Variants in CDH9 observed in about 807,000 individuals in gnomAD.
CDH9 encodes the protein cadherin 9.
CDH9 carries 28 observed loss-of-function variants against 70.9 expected under a neutral mutation model. That is an observed-to-expected ratio of 0.40 (90% CI 0.29 to 0.54). The LOEUF is 0.54. Ranked by LOEUF, CDH9 falls within the 20% of genes least tolerant of loss-of-function variation. CDH9 has a pLI of 0.59. For missense variants in CDH9, 874 were observed against 984.4 expected, an observed-to-expected ratio of 0.89 and a Z score of 1.50; for synonymous variants, 409 against 343.1, an observed-to-expected ratio of 1.19 and a Z score of -2.12.
In CDH9 at chr5:26,939,478, T is replaced by C. The variant is rs371052892; in HGVS notation, c.229-23554A>G. On this transcript the variant is annotated intron_variant, in intron 2 of 11. Transcript: ENST00000231021. Reference sequence around the variant, plus strand: ...TATATTTATACATATGTATATATACTGTCTCTACTGTTAATAAATATATAT... The same window carrying C: ...TATATTTATACATATGTATATATACCGTCTCTACTGTTAATAAATATATAT... Among the ~76,000 whole-genome samples the C allele has an allele frequency of 8.6e-5, 13 of 151,760 alleles. No homozygotes were observed. In the East Asian group the frequency reaches 1.5e-3, roughly 18 times the overall value.
At chr5:27,002,216 A>C (rs1742783071) in intron 1 of CDH9, among the ~76,000 whole-genome samples, 2 of 152,154 alleles carry the variant, frequency 1.3e-5, no homozygotes, top group South Asian at 4.1e-4. Context: ...CAAAACCACA[A>C]TGAGATGCCA....
chr5:26,957,519 G>T (rs187558192), intron 2 of CDH9, among the ~76,000 whole-genome samples: 189 of 152,042 alleles, frequency 1.2e-3, no homozygotes, highest in African/African-American at 4.1e-3. Context: ...AAAATTAGCC[G>T]GGCGTGGAGG....
chr5:26,933,128 T>C lies in CDH9; in HGVS notation c.229-17204A>G, dbSNP rs905911702. 2.7e-5 allele frequency among the ~76,000 whole-genome samples: 4 copies of C among 147,432 alleles called. No individual in the cohort carries two copies. In the East Asian group the frequency reaches 7.8e-4, roughly 29 times the overall value. ...ACAAATATAATTTTAAAAATATAAA[T>C]ATAGTTATATTTAACTTGAATATAT... On this transcript the variant is annotated intron_variant, in intron 2 of 11. Coordinates refer to ENST00000231021, the MANE Select transcript of CDH9 (RefSeq NM_016279.4).
intron 7 of CDH9, among the ~76,000 whole-genome samples, chr5:26,894,208 C>A (rs1052125424): frequency 3.6e-4 from 55 of 152,184 alleles, no homozygotes; most frequent in Admixed American, 2.2e-3. Context: ...CTGAATAGAT[C>A]TTGGATTTCT....
At chr5:26,945,435 GTTTC>G (rs1741735724) in intron 2 of CDH9, among the ~76,000 whole-genome samples, 1 of 151,926 alleles carries the variant, frequency 6.6e-6, no homozygotes, top group African/African-American at 2.4e-5. Context: ...GAAAATAAAA[GTTTC>G]TTTATTGATA....
At chr5:26,927,078 G>C (rs969576502) in intron 2 of CDH9, among the ~76,000 whole-genome samples, 1 of 151,918 alleles carries the variant, frequency 6.6e-6, no homozygotes, top group African/African-American at 2.4e-5. Context: ...GTTTATTCCT[G>C]GGATGCAAGG....
chr5:26,952,652 A>AAAAAG (rs1741871820), intron 2 of CDH9, among the ~76,000 whole-genome samples: 1 of 141,440 alleles, frequency 7.1e-6, no homozygotes, highest in Admixed American at 7.1e-5. Context: ...AAAAAAAAAA[A>AAAAAG]AAAGAAAGAA....
Position 26,994,513 on chromosome 5 carries a change from G to A in CDH9, c.-49-6131C>T, listed in dbSNP as rs1400339638. The stretch of plus-strand genomic sequence containing the variant: ...TGAAGGTACCTGAGCTTTTTTTCCT[G>A]TTTTTTTTGTTTCGTTTTGTTTTTT... On this transcript the variant is annotated intron_variant, in intron 1 of 11. Transcript: ENST00000231021. Among the ~76,000 whole-genome samples, 4 of 150,674 alleles carry A rather than the reference G, an allele frequency of 2.7e-5. No homozygotes were observed. The East Asian group carries it at 5.9e-4, about 22-fold the overall frequency.
At chr5:26,981,420 C>G (rs1742397455) in intron 2 of CDH9, among the ~76,000 whole-genome samples, 1 of 151,962 alleles carries the variant, frequency 6.6e-6, no homozygotes, top group Non-Finnish European at 1.5e-5. Flanking sequence ...GGAGTAATGA[C>G]AAGAAAAAGA....
Position 26,902,706 on chromosome 5 carries a change from C to G in CDH9, c.1023G>C (p.Met341Ile), listed in dbSNP as rs763734777. The change falls in exon 7 of 12, where the codon ATG (methionine) becomes ATC (isoleucine). Residue 341 changes from methionine to isoleucine, a missense_variant. Met to Ile is a conservative substitution (Grantham distance 10). Coordinates refer to ENST00000231021, the MANE Select transcript of CDH9 (RefSeq NM_016279.4). ...VKQNLDFENQ[M>I]LYTLRVDASN... ...TTGCATCCACTCTTAAAGTATAGAGCATTTGATTTTCAAAATCTAAATTCT... is the reference window on the plus strand; with the variant it reads ...TTGCATCCACTCTTAAAGTATAGAGGATTTGATTTTCAAAATCTAAATTCT... The G allele has an allele frequency of 1.3e-6, 2 of 1,559,790 alleles. No homozygotes were observed. The highest frequency in any genetic ancestry group is 1.8e-6 in the Non-Finnish European group (2 of 1,132,748).
intron 2 of CDH9, among the ~76,000 whole-genome samples, chr5:26,924,035 AAAT>A (rs1352270243): frequency 2.0e-5 from 3 of 152,062 alleles, no homozygotes; most frequent in Non-Finnish European, 4.4e-5. Context: ...AAAACAAAAG[AAAT>A]AATAAAGATC....
intron 2 of CDH9, among the ~76,000 whole-genome samples, chr5:26,919,486 G>A (rs12186894): frequency 0.022 from 3,359 of 152,220 alleles, 42 homozygotes; most frequent in Non-Finnish European, 0.033. Context: ...TTGAAGGGCC[G>A]TCTAGGCCAC....
intron 2 of CDH9, among the ~76,000 whole-genome samples, chr5:26,962,570 A>G (rs1742055396): frequency 6.6e-6 from 1 of 152,118 alleles, no homozygotes; most frequent in South Asian, 2.1e-4. Flanking sequence ...TCTAATGCCC[A>G]GTGATGATGA....
At chr5:27,022,327 CA>C in intron 1 of CDH9, among the ~76,000 whole-genome samples, 1 of 151,808 alleles carries the variant, frequency 6.6e-6, no homozygotes, top group East Asian at 1.9e-4. Context: ...TGAATGATTC[CA>C]ACATTTACCT....
At chr5:27,036,525 C>T (rs1271705754) in intron 1 of CDH9, among the ~76,000 whole-genome samples, 2 of 151,784 alleles carry the variant, frequency 1.3e-5, no homozygotes, top group African/African-American at 4.8e-5. Flanking sequence ...TTAAAACTAT[C>T]AAATACTGTA....
chr5:26,987,486 T>C (rs893639860), intron 2 of CDH9, among the ~76,000 whole-genome samples: 16 of 151,954 alleles, frequency 1.1e-4, no homozygotes, highest in Non-Finnish European at 2.1e-4. Flanking sequence ...TAAACACCAA[T>C]GAAAGAGAGG....
At chr5:26,881,881 A>C (rs568676281) in intron 11 of CDH9, among the ~76,000 whole-genome samples, 1 of 152,224 alleles carries the variant, frequency 6.6e-6, no homozygotes, top group South Asian at 2.1e-4. Flanking sequence ...TTCAAGTACA[A>C]CTATTATATT....
intron 2 of CDH9, among the ~76,000 whole-genome samples, chr5:26,976,993 C>T (rs574569955): frequency 2.0e-5 from 3 of 151,944 alleles, no homozygotes; most frequent in Non-Finnish European, 4.4e-5. Context: ...AGAATCTATA[C>T]TCTAAGAACA....
At chr5:26,939,132 A>G (rs1741615349) in intron 2 of CDH9, among the ~76,000 whole-genome samples, 2 of 151,894 alleles carry the variant, frequency 1.3e-5, no homozygotes, top group African/African-American at 4.8e-5. Context: ...TATTGTAAAT[A>G]TGTCGATTCT....
Sources: gnomAD v4.1 joint callset for allele counts (sites outside exome capture counted in the v4.1 genomes callset) on GRCh38, gnomAD v4.1.1 for gene constraint, MANE v1.5 for transcripts, NCBI Gene and HGNC (gene_info 2026-07-23, HGNC 2026-07-21) for gene names.